The following COG3 variants were observed in gnomAD, a reference collection of about 807,000 sequenced individuals.
COG3 encodes conserved oligomeric Golgi complex subunit 3.
In COG3, 32 loss-of-function variants were observed where a neutral mutation model predicts 114.1. The ratio of observed to expected loss-of-function variants is 0.28; its 90% CI spans 0.21 to 0.38. COG3 has a LOEUF of 0.38. Ranked by LOEUF, COG3 falls within the 10% of genes least tolerant of loss-of-function variation. COG3 has a pLI of 1.00. For synonymous variants in COG3, 352 were observed against 365.7 expected, an observed-to-expected ratio of 0.96 and a Z score of 0.43; for missense variants, 813 against 973.2, an observed-to-expected ratio of 0.84 and a Z score of 2.19.
chr13:45,532,718 G>A (rs373161191), intron 22 of COG3, among the ~76,000 whole-genome samples: 2 of 151,108 alleles, frequency 1.3e-5, no homozygotes, highest in African/African-American at 4.9e-5. Context: ...TACAGGCCCC[G>A]CCAATTTTTT....
chr13:45,467,154 T>C (rs1250250757), intron 1 of COG3, among the ~76,000 whole-genome samples: 2 of 152,218 alleles, frequency 1.3e-5, no homozygotes, highest in African/African-American at 4.8e-5. Context: ...TACCTGAAGC[T>C]AGCCTCATAA....
At chr13:45,502,864 A>C (rs956698110) in intron 13 of COG3, among the ~76,000 whole-genome samples, 1 of 152,130 alleles carries the variant, frequency 6.6e-6, no homozygotes, top group Non-Finnish European at 1.5e-5. Flanking sequence ...AATGACTGTT[A>C]GGTCTTCATT....
chr13:45,481,762 C>T (rs902788603), intron 5 of COG3, among the ~76,000 whole-genome samples: 18 of 152,074 alleles, frequency 1.2e-4, no homozygotes, highest in African/African-American at 4.3e-4. Flanking sequence ...AATTATATTT[C>T]TGTGTTTCTG....
chr13:45,531,179 A>G, intron 22 of COG3: 2 of 526,326 alleles, frequency 3.8e-6, no homozygotes, highest in Non-Finnish European at 4.9e-6. Context: ...GTATTTGGCT[A>G]CACGAGTAAG....
Position 45,527,447 on chromosome 13 carries a change from A to G in COG3, c.2231-2344A>G, listed in dbSNP as rs74070449. 4.6e-3 allele frequency among the ~76,000 whole-genome samples: 699 copies of G among 152,266 alleles called. 6 individuals are homozygous for G. The highest frequency in any genetic ancestry group is 0.016 in the African/African-American group (661 of 41,554). On this transcript the variant is annotated intron_variant, in intron 20 of 22. Transcript: ENST00000349995. The stretch of plus-strand genomic sequence containing the variant: ...CAGAGGTGTGGAGTTGGTTTTTGTG[A>G]ATCTGTAGTACTTGAAGCCCACACT...
intron 8 of COG3, among the ~76,000 whole-genome samples, chr13:45,490,658 CAG>C (rs1441285624): frequency 5.4e-5 from 8 of 149,512 alleles, no homozygotes; most frequent in African/African-American, 7.6e-5. Flanking sequence ...TTTTAAAAAA[CAG>C]ATTATAAAGC....
chr13:45,515,332 TA>T lies in COG3; in HGVS notation c.1810-810del, dbSNP rs574823656. ...CATTTAATAACTCCTTTAAAATTTA[TA>T]TTGCTTACTGAAAGATAACTTTATC... is the stretch of plus-strand genomic sequence containing the variant. On this transcript the variant is annotated intron_variant, in intron 16 of 22. Transcript: ENST00000349995. Among the ~76,000 whole-genome samples, 42 of 152,356 alleles carry T rather than the reference TA, an allele frequency of 2.8e-4. No homozygotes were observed. The South Asian group carries it at 6.4e-3, about 23-fold the overall frequency.
At chr13:45,472,934 A>G (rs1885614388) in intron 1 of COG3, among the ~76,000 whole-genome samples, 1 of 152,048 alleles carries the variant, frequency 6.6e-6, no homozygotes, top group East Asian at 1.9e-4. Flanking sequence ...CAGTGGTGCA[A>G]TCATAGCTCA....
At chr13:45,485,257 TGG>T (rs1886537804) in intron 7 of COG3, among the ~76,000 whole-genome samples, 1 of 39,884 alleles carries the variant, frequency 2.5e-5, no homozygotes, top group Non-Finnish European at 4.4e-5. Flanking sequence ...CCCTCCCGGA[TGG>T]GGCGGCTGGC....
chr13:45,516,584 G>A (rs895671267), intron 17 of COG3, among the ~76,000 whole-genome samples: 28 of 152,342 alleles, frequency 1.8e-4, no homozygotes, highest in African/African-American at 6.5e-4. Flanking sequence ...ATGTCAGCTA[G>A]TTGGGATGAT....
intron 1 of COG3, among the ~76,000 whole-genome samples, chr13:45,468,660 TG>T (rs376066869): frequency 1.3e-5 from 2 of 152,098 alleles, no homozygotes; most frequent in African/African-American, 4.8e-5. Context: ...TTCAGGGACC[TG>T]CTCAGCTGGT....
At chr13:45,484,178 G>C (rs1434440097) in intron 7 of COG3, among the ~76,000 whole-genome samples, 1 of 152,072 alleles carries the variant, frequency 6.6e-6, no homozygotes, top group Non-Finnish European at 1.5e-5. Flanking sequence ...TGTGATGTTT[G>C]GCTTGCATTT....
intron 2 of COG3, among the ~76,000 whole-genome samples, chr13:45,477,212 C>T (rs1428290527): frequency 6.6e-6 from 1 of 152,064 alleles, no homozygotes; most frequent in Non-Finnish European, 1.5e-5. Flanking sequence ...AGCCAAGGTA[C>T]ATGGCAAGCC....
At chr13:45,514,878 T>C in intron 16 of COG3, among the ~76,000 whole-genome samples, 1 of 151,878 alleles carries the variant, frequency 6.6e-6, no homozygotes, top group East Asian at 2.0e-4. Context: ...TCTGTCTCCT[T>C]ACCTCGTGAT....
chr13:45,524,088 C>G (rs1390750504), intron 19 of COG3, among the ~76,000 whole-genome samples: 1 of 152,018 alleles, frequency 6.6e-6, no homozygotes, highest in Non-Finnish European at 1.5e-5. Flanking sequence ...TGAAGAGATC[C>G]AAGTCAACAT....
intron 19 of COG3, among the ~76,000 whole-genome samples, chr13:45,521,015 G>A (rs1278077814): frequency 6.6e-6 from 1 of 152,158 alleles, no homozygotes; most frequent in Non-Finnish European, 1.5e-5. Flanking sequence ...TTCTAGAACA[G>A]CACAGTTTTT....
chr13:45,478,905 T>C (rs1886079250), intron 2 of COG3, 100 bp from the exon 3 acceptor site: 1 of 789,906 alleles, frequency 1.3e-6, no homozygotes, highest in Non-Finnish European at 2.1e-6. Context: ...GCAATAAAAC[T>C]TGGATAACGT....
In COG3 at chr13:45,524,874, G is replaced by A. The variant is rs1872529482; in HGVS notation, c.2155-102G>A. The A allele has an allele frequency of 7.2e-6, 5 of 694,970 alleles. No homozygotes were observed. The South Asian group carries it at 1.0e-4, about 14-fold the overall frequency. 43.1% of individuals were successfully genotyped at this position (694,970 alleles called of 1,614,324 possible). ...CATTGTGTTTTAATAGGTTTAAATGGTGTTGTGTATCCCTTGAGAGCAGTA... is the reference window on the plus strand; with the variant it reads ...CATTGTGTTTTAATAGGTTTAAATGATGTTGTGTATCCCTTGAGAGCAGTA... On this transcript the variant is annotated intron_variant, in intron 19 of 22. Transcript: ENST00000349995.
At chr13:45,517,771 G>A (rs1845771171) in intron 17 of COG3, among the ~76,000 whole-genome samples, 1 of 152,180 alleles carries the variant, frequency 6.6e-6, no homozygotes, top group South Asian at 2.1e-4. Flanking sequence ...ATGGGATAGA[G>A]CAGGGTTGAT....
Sources: gnomAD v4.1 joint callset for allele counts (sites outside exome capture counted in the v4.1 genomes callset) on GRCh38, gnomAD v4.1.1 for gene constraint, MANE v1.5 for transcripts, NCBI Gene and HGNC (gene_info 2026-07-23, HGNC 2026-07-21) for gene names.